Variants in RPGR observed in about 807,000 individuals in gnomAD.
RPGR encodes the protein retinitis pigmentosa GTPase regulator.
Under a neutral mutation model 56.3 loss-of-function variants are expected in RPGR, and 10 were observed. That is an observed-to-expected ratio of 0.18 (90% CI 0.11 to 0.30). The LOEUF is 0.30. Ranked by LOEUF, RPGR falls within the 10% of genes least tolerant of loss-of-function variation. The probability of loss-of-function intolerance (pLI) is 1.00; values close to 1 mark genes in which losing one functional copy is unlikely to be tolerated. For synonymous variants in RPGR, 197 were observed against 212.9 expected (o/e 0.93, Z 0.65); for missense variants, 538 against 590.9 (o/e 0.91, Z 0.93).
chrX:38,321,262 A>G (rs911552626), intron 3 of RPGR, among the ~76,000 whole-genome samples, 173 bp from the exon 4 acceptor site: 1 of 112,115 alleles, frequency 8.9e-6, no homozygotes, highest in Non-Finnish European at 1.9e-5. Context: ...GTGTACCATC[A>G]TAACAAGTGG....
chrX:38,277,134 T>C (rs1204924210), intron 15 of RPGR, among the ~76,000 whole-genome samples: 1 of 112,361 alleles, frequency 8.9e-6, no homozygotes, highest in East Asian at 2.8e-4. Context: ...TATAACATAA[T>C]CATATCTATA....
chrX:38,274,770 G>T (rs892286030), intron 17 of RPGR, among the ~76,000 whole-genome samples: 1 of 111,852 alleles, frequency 8.9e-6, no homozygotes, highest in Non-Finnish European at 1.9e-5. Context: ...AGCTGAGATC[G>T]TGCCATTGCA....
chrX:38,269,530 T>G lies in RPGR; in HGVS notation c.*96A>C. ...AAAACATATTAAGTCTTATATCTTT[T>G]AAAGACTACTATCAGAAACTTTACT... On this transcript the variant is annotated 3_prime_UTR_variant, in exon 19 of 19. Transcript: ENST00000642395. 1.6e-6 allele frequency: 1 copy of G among 606,835 alleles called. No homozygotes were observed. Among genetic ancestry groups the G allele is most frequent in the Non-Finnish European group, 2.6e-6 (1 of 378,535 alleles). The allele number at this position is 606,835 out of a possible 1,213,427, so 50.0% of individuals were successfully genotyped here. A position where few individuals can be genotyped will look rare whatever the true frequency, so the allele number is the denominator to read the frequency against.
Position 38,287,869 on chromosome X carries a change from T to G in RPGR, c.1745A>C (p.Glu582Ala), listed in dbSNP as rs778831340. Residue 582 changes from glutamate (E) to alanine (A), a missense_variant, in exon 14 of 19, where the codon GAG becomes GCG. By Grantham distance (107) the Glu-to-Ala change is moderately radical. This residue lies in a region of RPGR where 357 missense variants were observed against 325.8 expected (regional missense o/e 1.10). Coordinates refer to ENST00000642395, the MANE Select transcript of RPGR (RefSeq NM_000328.3). ...CTGGCCTGTGTCATTACCTACTTCCTCATCTGAAAATGCTTCGATAGTCGT... is the reference window on the plus strand; with the variant it reads ...CTGGCCTGTGTCATTACCTACTTCCGCATCTGAAAATGCTTCGATAGTCGT... The G allele has an allele frequency of 2.5e-6, 3 of 1,210,390 alleles. No individual in the cohort carries two copies. Among genetic ancestry groups the G allele is most frequent in the South Asian group, 3.5e-5 (2 of 56,807 alleles).
chrX:38,278,365 C>G (rs916352388), intron 15 of RPGR, among the ~76,000 whole-genome samples: 1 of 111,866 alleles, frequency 8.9e-6, no homozygotes, highest in East Asian at 2.8e-4. Flanking sequence ...CTCAGCCTCC[C>G]GAGTAGCTGG....
At chrX:38,273,570 T>A (rs926766896) in intron 17 of RPGR, 1 of 652,566 alleles carries the variant, frequency 1.5e-6, no homozygotes, top group Admixed American at 2.7e-5. Flanking sequence ...CCCTGAGTTG[T>A]GGGGTAATAC....
intron 6 of RPGR, 198 bp downstream of exon 6, chrX:38,317,118 T>C (rs998403187): frequency 7.1e-6 from 3 of 422,264 alleles, no homozygotes; most frequent in Non-Finnish European, 1.2e-5. Flanking sequence ...AAAGTGATCA[T>C]GTCAGACAGA....
chrX:38,283,357 G>A (rs770964883), intron 15 of RPGR, among the ~76,000 whole-genome samples: 2 of 111,935 alleles, frequency 1.8e-5, no homozygotes, highest in East Asian at 5.6e-4. Flanking sequence ...TTTTTATTGA[G>A]GAAAAAGGAA....
chrX:38,274,911 A>G (rs1013835712), intron 17 of RPGR, among the ~76,000 whole-genome samples: 3 of 112,502 alleles, frequency 2.7e-5, no homozygotes, highest in African/African-American at 9.7e-5. Context: ...ATATATAAGA[A>G]CAGATAAGTC....
rs933549537 is a variant in RPGR, at chrX:38,288,153, T to A, written c.1573-112A>T. On this transcript the variant is annotated intron_variant, in intron 13 of 18. Transcript: ENST00000642395. The stretch of plus-strand genomic sequence containing the variant: ...TTACATTTTTATAAGTTTAGGAGAA[T>A]CAAAATAGCAAGTTTTACCAGATAT... 3.8e-5 allele frequency: 26 copies of A among 678,701 alleles called. No individual in the cohort carries two copies. The Admixed American group carries it at 7.2e-4, about 19-fold the overall frequency. The allele number at this position is 678,701 out of a possible 1,213,427, so 55.9% of individuals were successfully genotyped here.
intron 15 of RPGR, among the ~76,000 whole-genome samples, chrX:38,283,990 T>C (rs1414046472): frequency 3.6e-5 from 4 of 111,997 alleles, no homozygotes; most frequent in Non-Finnish European, 7.5e-5. Context: ...AATCAGTACA[T>C]TTGGTTAGTT....
chrX:38,285,883 CCTT>C (rs2067121358), intron 15 of RPGR: 2 of 1,180,624 alleles, frequency 1.7e-6, no homozygotes, highest in Non-Finnish European at 2.3e-6. Flanking sequence ...TTCCTCCTCT[CCTT>C]CCTCTTCCTC....
chrX:38,306,077 A>T (rs1300976047), intron 7 of RPGR, among the ~76,000 whole-genome samples: 1 of 112,224 alleles, frequency 8.9e-6, no homozygotes, highest in Non-Finnish European at 1.9e-5. Context: ...TTTTAGAGAC[A>T]TCATGCTCCT....
Position 38,285,070 on chromosome X carries a change from T to C in RPGR, c.1905+2024A>G, listed in dbSNP as rs5963392. Reference sequence around the variant, plus strand: ...TGAGTTTTAGAATACCATCCATTATTAGAAAATTATTCTATACAGTAGGTA... The same window carrying C: ...TGAGTTTTAGAATACCATCCATTATCAGAAAATTATTCTATACAGTAGGTA... On this transcript the variant is annotated intron_variant, in intron 15 of 18. Coordinates refer to ENST00000642395, the MANE Select transcript of RPGR (RefSeq NM_000328.3). 2,043 of 722,888 alleles carry C rather than the reference T, an allele frequency of 2.8e-3. 35 individuals carry two copies. In the African/African-American group the frequency reaches 0.045, roughly 16 times the overall value. The allele number at this position is 722,888 out of a possible 1,213,427, so 59.6% of individuals were successfully genotyped here.
chrX:38,317,407 A>G lies in RPGR; in HGVS notation c.528T>C (p.Asn176=). Residue 176 remains asparagine (N), a synonymous_variant, in exon 6 of 19, where the codon AAT becomes AAC. Coordinates refer to ENST00000642395, the MANE Select transcript of RPGR (RefSeq NM_000328.3). ...GCTGAGGGACACAGACATTACTTAC[A>G]TTTTTTAAACCAATTTGCCCTTCGG... The G allele has an allele frequency of 1.7e-6, 2 of 1,209,787 alleles. No individual in the cohort carries two copies. The highest frequency in any genetic ancestry group is 3.5e-5 in the African/African-American group (2 of 57,717).
intron 11 of RPGR, among the ~76,000 whole-genome samples, chrX:38,296,603 G>A (rs1265760562): frequency 9.0e-6 from 1 of 111,559 alleles, no homozygotes; most frequent in Non-Finnish European, 1.9e-5. Flanking sequence ...CATTTACTGA[G>A]GTGTTTCTAG....
rs757303476 is a variant in RPGR, at chrX:38,292,794, A to G, written c.1415-1310T>C. 1.9e-4 allele frequency among the ~76,000 whole-genome samples: 21 copies of G among 111,536 alleles called. No homozygotes were observed. The East Asian group carries it at 5.4e-3, about 28-fold the overall frequency. The stretch of plus-strand genomic sequence containing the variant: ...GAGAAATTACATCCGTATGTTGGCA[A>G]TCAGGAAAAGTTTCACTACAGAGGT... On this transcript the variant is annotated intron_variant, in intron 11 of 18. Coordinates refer to ENST00000642395, the MANE Select transcript of RPGR (RefSeq NM_000328.3).
intron 15 of RPGR, chrX:38,285,807 T>C: frequency 1.7e-6 from 2 of 1,209,505 alleles, no homozygotes; most frequent in Non-Finnish European, 2.2e-6. Context: ...TCCCCTCTTC[T>C]TCCTCCTCCT....
chrX:38,285,920 C>T, intron 15 of RPGR: 2 of 1,126,323 alleles, frequency 1.8e-6, no homozygotes, highest in South Asian at 1.9e-5. Context: ...CCTTCCTCCC[C>T]TTCCACCTCC....
Sources: allele counts gnomAD v4.1 joint callset (sites outside exome capture counted in the v4.1 genomes callset), GRCh38; gene constraint gnomAD v4.1.1; regional missense constraint gnomAD v4.1.1; transcripts MANE v1.5; gene names NCBI Gene and HGNC (gene_info 2026-07-23, HGNC 2026-07-21).